Variants in MCTP1 observed in about 807,000 individuals in gnomAD.
The protein encoded by MCTP1 is multiple C2 and transmembrane domain-containing protein 1.
A neutral mutation model predicts 120.6 loss-of-function variants in MCTP1; 69 were observed. The ratio of observed to expected loss-of-function variants is 0.57; its 90% CI spans 0.47 to 0.70. MCTP1 has a LOEUF of 0.70. MCTP1 is among the 30% of genes least tolerant of loss of function. MCTP1 has a pLI of 0.00. For synonymous variants in MCTP1, 529 were observed against 493.1 expected (o/e 1.07, Z -0.96); for missense variants, 1,203 against 1,248.8 (o/e 0.96, Z 0.55).
chr5:95,246,200 C>G (rs1354440446), intron 1 of MCTP1, among the ~76,000 whole-genome samples: 1 of 152,160 alleles, frequency 6.6e-6, no homozygotes, highest in South Asian at 2.1e-4. Flanking sequence ...AAAGGAATAA[C>G]TAGTACCAGC....
intron 2 of MCTP1, among the ~76,000 whole-genome samples, chr5:94,983,968 A>G (rs1056603857): frequency 1.3e-5 from 2 of 152,210 alleles, no homozygotes; most frequent in Admixed American, 1.3e-4. Flanking sequence ...TTTGTACTGC[A>G]TTATGAATAT....
intron 19 of MCTP1, among the ~76,000 whole-genome samples, chr5:94,769,183 T>C (rs1017950297): frequency 3.3e-5 from 5 of 152,032 alleles, no homozygotes; most frequent in Admixed American, 1.3e-4. Flanking sequence ...GAGCTAAAAA[T>C]TTTGGTCTCA....
At chr5:94,835,623 T>C (rs1320606813) in intron 17 of MCTP1, among the ~76,000 whole-genome samples, 2 of 152,190 alleles carry the variant, frequency 1.3e-5, no homozygotes, top group Non-Finnish European at 2.9e-5. Flanking sequence ...GGCAGTGCTA[T>C]ATCCCCATGA....
intron 1 of MCTP1, among the ~76,000 whole-genome samples, chr5:95,215,205 C>G (rs1208006494): frequency 6.6e-6 from 1 of 152,156 alleles, no homozygotes; most frequent in Admixed American, 6.6e-5. Flanking sequence ...AACCTCAAAA[C>G]CCATTTTCAA....
At chr5:94,947,577 T>TATATATATATATAG in intron 3 of MCTP1, among the ~76,000 whole-genome samples, 18 of 47,392 alleles carry the variant, frequency 3.8e-4, no homozygotes, top group African/African-American at 1.5e-3. Context: ...TATATATATA[T>TATATATATATATAG]AGAGAGAGAG....
intron 19 of MCTP1, among the ~76,000 whole-genome samples, chr5:94,738,370 T>C (rs1159262668): frequency 1.3e-5 from 2 of 152,094 alleles, no homozygotes; most frequent in Admixed American, 6.6e-5. Flanking sequence ...ACAAATTTGT[T>C]TGCAATACAT....
intron 1 of MCTP1, among the ~76,000 whole-genome samples, chr5:95,129,762 C>A (rs1391568045): frequency 6.6e-6 from 1 of 152,058 alleles, no homozygotes; most frequent in African/African-American, 2.4e-5. Context: ...TGGGTTCGAG[C>A]AATTCTCCCT....
At chr5:94,816,243 GTA>G (rs1561683349) in intron 17 of MCTP1, among the ~76,000 whole-genome samples, 1 of 152,148 alleles carries the variant, frequency 6.6e-6, no homozygotes, top group South Asian at 2.1e-4. Context: ...TTAGATGTGT[GTA>G]TATAAATTTA....
chr5:94,991,280 G>A (rs920192911), intron 2 of MCTP1, among the ~76,000 whole-genome samples: 14 of 152,114 alleles, frequency 9.2e-5, no homozygotes, highest in Admixed American at 3.9e-4. Context: ...TCTTGTCACC[G>A]TATTGATTTT....
chr5:94,904,848 A>G (rs1806397618), intron 10 of MCTP1, among the ~76,000 whole-genome samples: 1 of 152,190 alleles, frequency 6.6e-6, no homozygotes, highest in Admixed American at 6.5e-5. Flanking sequence ...TTGGTGCCAG[A>G]TACTTGTTTA....
chr5:94,913,092 AT>A lies in MCTP1; in HGVS notation c.1351-117del, dbSNP rs201359054. 5.6e-4 allele frequency: 290 copies of A among 514,274 alleles called. 3 individuals are homozygous for A. The highest frequency in any genetic ancestry group is 4.8e-3 in the African/African-American group (235 of 49,392). 31.9% of individuals were successfully genotyped at this position (514,274 alleles called of 1,614,324 possible). On this transcript the variant is annotated intron_variant, in intron 8 of 22. Transcript: ENST00000515393. ...AAAAAATAAAGGATCGGCAATTATA[AT>A]TTTTTTAACTAAAAATAATTATGAA... is the stretch of plus-strand genomic sequence containing the variant.
intron 18 of MCTP1, among the ~76,000 whole-genome samples, chr5:94,780,091 A>G (rs760322176): frequency 6.6e-6 from 1 of 151,870 alleles, no homozygotes; most frequent in Non-Finnish European, 1.5e-5. Context: ...TTCAAGTAAG[A>G]CCCAACTTAT....
Position 94,713,688 on chromosome 5 carries a change from A to G in MCTP1, c.2720+1089T>C, listed in dbSNP as rs962840125. 1.3e-5 allele frequency among the ~76,000 whole-genome samples: 2 copies of G among 152,288 alleles called. 1 individual carries two copies. The highest frequency in any genetic ancestry group is 4.1e-4 in the South Asian group (2 of 4,830). On this transcript the variant is annotated intron_variant, in intron 20 of 22. Coordinates refer to ENST00000515393, the MANE Select transcript of MCTP1 (RefSeq NM_024717.7). ...ATAGTCTTCTGAAATCCAAGACTGA[A>G]TGTTTCCTAAAGGCACATCTCGGAG...
rs1475923368 is a variant in MCTP1 at position 94,870,375 on chromosome 5, A to G, written c.2316+42T>C. ...TTTACTTAGATGTTTTACAGATATA[A>G]TCAGGTCTTCCCAGAGGGATTAATC... On this transcript the variant is annotated intron_variant, in intron 16 of 22. Transcript: ENST00000515393. The G allele has an allele frequency of 3.0e-6, 4 of 1,311,614 alleles. No homozygotes were observed. The Middle Eastern group carries it at 5.6e-4, about 182-fold the overall frequency. The allele number at this position is 1,311,614 out of a possible 1,614,324, so 81.2% of individuals were successfully genotyped here.
intron 10 of MCTP1, among the ~76,000 whole-genome samples, chr5:94,897,707 A>G (rs1490679095): frequency 2.0e-5 from 3 of 152,228 alleles, no homozygotes; most frequent in Non-Finnish European, 4.4e-5. Context: ...TGGTGGGCAC[A>G]TGTGCAGGTT....
intron 1 of MCTP1, among the ~76,000 whole-genome samples, chr5:95,027,854 T>G (rs964249): frequency 0.93 from 141,975 of 152,216 alleles, 67,009 homozygotes; most frequent in East Asian, 1. Flanking sequence ...CCGAGCAAAA[T>G]AAGCCAAGGA....
At chr5:94,804,942 A>G (rs1781987036) in intron 17 of MCTP1, among the ~76,000 whole-genome samples, 1 of 152,206 alleles carries the variant, frequency 6.6e-6, no homozygotes, top group Non-Finnish European at 1.5e-5. Flanking sequence ...AGCTTTACTA[A>G]TAATTGAAAC....
intron 17 of MCTP1, chr5:94,826,669 CTCT>C (rs1787140546): frequency 1.5e-6 from 1 of 678,250 alleles, no homozygotes; most frequent in East Asian, 2.8e-5. Flanking sequence ...CAGGAACCTT[CTCT>C]TCTTCTCTTA....
chr5:94,849,526 T>A (rs1793199367), intron 17 of MCTP1, among the ~76,000 whole-genome samples: 2 of 152,126 alleles, frequency 1.3e-5, no homozygotes, highest in South Asian at 4.1e-4. Context: ...CCTGCCTCCA[T>A]CTCTGTCTCA....
Sources: allele counts gnomAD v4.1 joint callset (sites outside exome capture counted in the v4.1 genomes callset), GRCh38; gene constraint gnomAD v4.1.1; transcripts MANE v1.5; gene names NCBI Gene and HGNC (gene_info 2026-07-23, HGNC 2026-07-21).